CENPE: variants seen among roughly 807,000 people sequenced by gnomAD.
The protein encoded by CENPE is centromere-associated protein E.
Under a neutral mutation model 336.1 loss-of-function variants are expected in CENPE, and 145 were observed. The ratio of observed to expected loss-of-function variants is 0.43; its 90% CI spans 0.38 to 0.50. The LOEUF (loss-of-function observed/expected upper bound fraction) is 0.50. CENPE is among the 20% of genes least tolerant of loss of function. The pLI is 0.00. For synonymous variants in CENPE, 1,013 were observed against 984.8 expected (o/e 1.03, Z -0.54); for missense variants, 2,719 against 3,023.3 (o/e 0.90, Z 2.36).
intron 16 of CENPE, among the ~76,000 whole-genome samples, chr4:103,173,508 C>T (rs780801407): frequency 2.6e-5 from 3 of 117,234 alleles, no homozygotes; most frequent in African/African-American, 5.4e-5. Context: ...AACAAATAAA[C>T]GGAATTACAA....
chr4:103,166,194 T>C (rs994385901), intron 16 of CENPE, among the ~76,000 whole-genome samples: 5 of 152,182 alleles, frequency 3.3e-5, no homozygotes, highest in African/African-American at 1.2e-4. Context: ...AGAAGGGACC[T>C]TGGTGAGCAT....
chr4:103,160,102 T>G (rs1461180525), intron 21 of CENPE, among the ~76,000 whole-genome samples: 1 of 151,946 alleles, frequency 6.6e-6, no homozygotes, highest in East Asian at 1.9e-4. Context: ...TTGAAGTTCT[T>G]TAGCATGATG....
chr4:103,186,089 T>C (rs1259131698), intron 8 of CENPE, among the ~76,000 whole-genome samples: 1 of 152,196 alleles, frequency 6.6e-6, no homozygotes, highest in Non-Finnish European at 1.5e-5. Context: ...CTGTTTCCTA[T>C]ACAAGGTCCA....
At chr4:103,155,662 T>C (rs547988511) in intron 24 of CENPE, among the ~76,000 whole-genome samples, 2 of 152,166 alleles carry the variant, frequency 1.3e-5, no homozygotes, top group African/African-American at 4.8e-5. Context: ...TATTCCAAAT[T>C]ATAAATAAGC....
intron 41 of CENPE, among the ~76,000 whole-genome samples, chr4:103,133,252 C>A (rs1751771012): frequency 1.3e-5 from 2 of 152,010 alleles, no homozygotes; most frequent in Non-Finnish European, 2.9e-5. Context: ...CACTATGTTG[C>A]CCAGGCTGAT....
intron 11 of CENPE, 117 bp downstream of exon 11, chr4:103,182,645 A>G (rs1442485341): frequency 2.7e-6 from 2 of 750,634 alleles, no homozygotes; most frequent in East Asian, 2.8e-5. Context: ...AGTAGACAAC[A>G]TATCGATTAT....
chr4:103,183,874 G>C (rs1756529847), intron 9 of CENPE, among the ~76,000 whole-genome samples: 3 of 151,952 alleles, frequency 2.0e-5, no homozygotes, highest in African/African-American at 4.8e-5. Context: ...AATAGTAACA[G>C]TCCATACATA....
intron 46 of CENPE, among the ~76,000 whole-genome samples, chr4:103,114,188 G>C (rs766817406): frequency 6.6e-6 from 1 of 152,062 alleles, no homozygotes; most frequent in Non-Finnish European, 1.5e-5. Flanking sequence ...TTGCCTGAAG[G>C]TATCTTCACT....
chr4:103,144,012 C>G (rs539065113), intron 33 of CENPE, among the ~76,000 whole-genome samples: 1 of 152,246 alleles, frequency 6.6e-6, no homozygotes, highest in South Asian at 2.1e-4. Flanking sequence ...TCTTGGCTCA[C>G]TGCAACCTCC....
rs1560613656 is a variant in CENPE at position 103,136,173 on chromosome 4, TG to T, written c.6489del (p.Met2164TrpfsTer7). On this transcript the variant is annotated frameshift_variant, in exon 40 of 49. Coordinates refer to ENST00000265148, the MANE Select transcript of CENPE (RefSeq NM_001813.3). LOFTEE classifies it high-confidence loss of function. The stretch of plus-strand genomic sequence containing the variant: ...TTCTTCATGATTCTGTGGAATTCCA[TG>T]GAGCATCTCTGGTTTGCAGTAAAAA... ...EKLFTANQRC[S>X]MEFHRIMKKL... is the part of the protein sequence containing the mutation. 1 of 1,613,798 alleles carries T rather than the reference TG, an allele frequency of 6.2e-7. No homozygotes were observed.
intron 42 of CENPE, among the ~76,000 whole-genome samples, chr4:103,132,031 C>T (rs1329494133): frequency 1.3e-5 from 2 of 152,114 alleles, no homozygotes; most frequent in African/African-American, 4.8e-5. Flanking sequence ...ATGATGGATA[C>T]ATGTCATTTT....
Position 103,108,973 on chromosome 4 carries a change from G to A in CENPE, c.7841C>T (p.Thr2614Ile), listed in dbSNP as rs1469416111. Residue 2614 changes from threonine to isoleucine, a missense_variant, in exon 48 of 49, where the codon ACA (threonine) becomes ATA (isoleucine). Physicochemically the swap from Thr to Ile is moderately conservative, Grantham distance 89. Around this residue, in one of 5 missense-constraint regions of CENPE, gnomAD observed 2,437 missense variants for 2,513.3 expected, o/e 0.97. Transcript: ENST00000265148. ...TGTAATTTGTTTCTTTTTAGAAGCT[G>A]TTCCAGTCACTTTAGGAGACTTTGG... is the stretch of plus-strand genomic sequence containing the variant. ...NSPKSPKVTG[T>I]ASKKKQITPS... 5 of 1,613,760 alleles carry A rather than the reference G, an allele frequency of 3.1e-6. No individual in the cohort carries two copies. Among genetic ancestry groups the A allele is most frequent in the Non-Finnish European group, 4.2e-6 (5 of 1,179,790 alleles).
intron 42 of CENPE, among the ~76,000 whole-genome samples, chr4:103,125,578 G>T (rs1751016553): frequency 6.6e-6 from 1 of 152,008 alleles, no homozygotes; most frequent in Non-Finnish European, 1.5e-5. Flanking sequence ...GAAGTTGCCA[G>T]TCCAGGACGG....
At chr4:103,163,736 A>G (rs1366914476) in intron 16 of CENPE, among the ~76,000 whole-genome samples, 183 bp from the exon 17 acceptor site, 3 of 151,874 alleles carry the variant, frequency 2.0e-5, no homozygotes, top group African/African-American at 7.2e-5. Context: ...TTATTTAAAA[A>G]TACTAGAAAT....
chr4:103,129,477 G>A (rs896095886), intron 42 of CENPE, among the ~76,000 whole-genome samples: 27 of 152,170 alleles, frequency 1.8e-4, no homozygotes, highest in South Asian at 2.1e-4. Flanking sequence ...GGTGGTTCAC[G>A]CCTGTAATCC....
At chr4:103,154,461 C>A (rs1159030899) in intron 24 of CENPE, among the ~76,000 whole-genome samples, 1 of 151,982 alleles carries the variant, frequency 6.6e-6, no homozygotes, top group Non-Finnish European at 1.5e-5. Flanking sequence ...ATAAACTGTA[C>A]TTTATTTAGC....
At chr4:103,111,574 G>T (rs899234911) in intron 46 of CENPE, among the ~76,000 whole-genome samples, 13 of 152,184 alleles carry the variant, frequency 8.5e-5, no homozygotes, top group Non-Finnish European at 1.9e-4. Context: ...TTATGAAGTG[G>T]ATTAATCCAT....
chr4:103,158,870 TG>T lies in CENPE; in HGVS notation c.2617del (p.Gln873LysfsTer14). The T allele has an allele frequency of 6.2e-7, 1 of 1,600,010 alleles. No individual in the cohort carries two copies. Among genetic ancestry groups the T allele is most frequent in the Non-Finnish European group, 8.5e-7 (1 of 1,176,312 alleles). ...ALKTELSYKT[Q>X]ELQEKTREVQ... ...CTCACGTGTTTTCTCCTGAAGTTCTTGGGTCTTGTAAGAAAGCTTTAAAAAA... is the reference window on the plus strand; with the variant it reads ...CTCACGTGTTTTCTCCTGAAGTTCTTGGTCTTGTAAGAAAGCTTTAAAAAA... On this transcript the variant is annotated frameshift_variant, in exon 23 of 49. Transcript: ENST00000265148. LOFTEE classifies it high-confidence loss of function.
chr4:103,159,289 T>C lies in CENPE; in HGVS notation c.2322A>G (p.Thr774=). The change falls in exon 22 of 49, where the codon ACA becomes ACG. Residue 774 remains threonine (T), a synonymous_variant. Coordinates refer to ENST00000265148, the MANE Select transcript of CENPE (RefSeq NM_001813.3). ...QDKSEELHII[T]SEKDKLFSEV... ...CAGAAAACAATTTATCTTTTTCTGA[T>C]GTTATTATATGGAGCTCTTCAGATT... The C allele has an allele frequency of 1.3e-6, 2 of 1,560,740 alleles. No individual in the cohort carries two copies. Among genetic ancestry groups the C allele is most frequent in the Non-Finnish European group, 8.7e-7 (1 of 1,154,000 alleles).
Sources: allele counts gnomAD v4.1 joint callset (sites outside exome capture counted in the v4.1 genomes callset), GRCh38; gene constraint gnomAD v4.1.1; regional missense constraint gnomAD v4.1.1; transcripts MANE v1.5; gene names NCBI Gene and HGNC (gene_info 2026-07-23, HGNC 2026-07-21).